PNOC: variants seen among roughly 807,000 people sequenced by gnomAD.
PNOC encodes nociceptin.
In PNOC, 10 loss-of-function variants were observed where a neutral mutation model predicts 15.6. The ratio of observed to expected loss-of-function variants is 0.64; its 90% CI spans 0.40 to 1.09. PNOC has a LOEUF of 1.09. Among genes scored for constraint, PNOC ranks in the 50% least tolerant of loss-of-function variants. The pLI, the probability that PNOC is intolerant of heterozygous loss-of-function variation, is 0.01. For synonymous variants in PNOC, 98 were observed against 88.5 expected (o/e 1.11, Z -0.60); for missense variants, 220 against 223.9 (o/e 0.98, Z 0.11).
chr8:28,317,890 G>C (rs1440859872), intron 1 of PNOC, among the ~76,000 whole-genome samples: 6 of 152,178 alleles, frequency 3.9e-5, no homozygotes, highest in Non-Finnish European at 8.8e-5. Context: ...TAATGGGGAA[G>C]CGCCAGATCT....
intron 3 of PNOC, among the ~76,000 whole-genome samples, chr8:28,341,324 C>G (rs1052989193): frequency 6.6e-6 from 1 of 152,186 alleles, no homozygotes; most frequent in African/African-American, 2.4e-5. Context: ...CCAAAGGCCC[C>G]AAATTAACCT....
chr8:28,335,401 T>C (rs1343671604), intron 2 of PNOC, among the ~76,000 whole-genome samples: 1 of 152,274 alleles, frequency 6.6e-6, no homozygotes, highest in Non-Finnish European at 1.5e-5. Flanking sequence ...ATTATATTCA[T>C]GATTTGCAAA....
intron 1 of PNOC, among the ~76,000 whole-genome samples, chr8:28,324,175 G>A (rs1452955414): frequency 6.6e-6 from 1 of 152,236 alleles, no homozygotes; most frequent in Non-Finnish European, 1.5e-5. Flanking sequence ...TTCACCTGCA[G>A]GAAGACTATC....
At chr8:28,330,747 C>A (rs1801319375) in intron 2 of PNOC, among the ~76,000 whole-genome samples, 1 of 151,866 alleles carries the variant, frequency 6.6e-6, no homozygotes, top group African/African-American at 2.4e-5. Flanking sequence ...CAGTGAACCC[C>A]TTAGTACCAA....
At chr8:28,338,785 A>T in intron 2 of PNOC, 2 of 1,205,308 alleles carry the variant, frequency 1.7e-6, no homozygotes, top group Non-Finnish European at 2.1e-6. Context: ...CTGTGACACC[A>T]GAGGTAAGTT....
chr8:28,339,102 G>A lies in PNOC; in HGVS notation c.189G>A (p.Lys63=). 6.2e-7 allele frequency: 1 copy of A among 1,607,734 alleles called. No individual in the cohort carries two copies. The highest frequency in any genetic ancestry group is 8.5e-7 in the Non-Finnish European group (1 of 1,174,656). Residue 63 remains lysine (K), a synonymous_variant, in exon 3 of 4, where the codon AAG becomes AAA. Coordinates refer to ENST00000301908, the MANE Select transcript of PNOC (RefSeq NM_006228.5). ...FPSPLWTPCT[K]VMARSSWQLS... is the part of the protein sequence containing the mutation. ...GCCCCCTCTGGACTCCATGCACCAA[G>A]GTCATGGCCAGGAGCTCTTGGCAGC...
intron 3 of PNOC, among the ~76,000 whole-genome samples, chr8:28,340,897 A>G (rs1039671963): frequency 1.6e-4 from 24 of 152,278 alleles, no homozygotes; most frequent in African/African-American, 5.3e-4. Flanking sequence ...CATGACCCAA[A>G]CACCACCCAC....
In PNOC at chr8:28,326,338, C is replaced by T. The variant is rs567928927; in HGVS notation, c.-23-2797C>T. 5.9e-5 allele frequency among the ~76,000 whole-genome samples: 9 copies of T among 152,114 alleles called. No homozygotes were observed. The South Asian group carries it at 1.0e-3, about 18-fold the overall frequency. On this transcript the variant is annotated intron_variant, in intron 1 of 3. Transcript: ENST00000301908. ...CTGCACACCAGCCTGGGCAACAGAGCGAGACCATCTCAAACAAACAAAAAG... is the reference window on the plus strand; with the variant it reads ...CTGCACACCAGCCTGGGCAACAGAGTGAGACCATCTCAAACAAACAAAAAG...
intron 1 of PNOC, among the ~76,000 whole-genome samples, chr8:28,326,440 C>A (rs527290252): frequency 1.3e-5 from 2 of 152,266 alleles, no homozygotes; most frequent in South Asian, 4.2e-4. Context: ...GCTTTGATGA[C>A]GCACAAGAAG....
chr8:28,324,967 A>G (rs1801201866), intron 1 of PNOC, among the ~76,000 whole-genome samples: 1 of 152,202 alleles, frequency 6.6e-6, no homozygotes, highest in Non-Finnish European at 1.5e-5. Context: ...TTAATTGCTT[A>G]CAAACGTTAA....
intron 1 of PNOC, among the ~76,000 whole-genome samples, chr8:28,327,741 C>T (rs1413292202): frequency 2.6e-5 from 4 of 152,048 alleles, no homozygotes; most frequent in Non-Finnish European, 5.9e-5. Context: ...GTCTTGAACT[C>T]CTGACCTCTA....
intron 1 of PNOC, 86 bp from the exon 2 acceptor site, chr8:28,329,049 T>C: frequency 7.7e-7 from 1 of 1,304,318 alleles, no homozygotes; most frequent in South Asian, 1.3e-5. Flanking sequence ...GAAGTGTCTT[T>C]CCTGCATTCT....
At chr8:28,330,404 T>TATTTTATTTTATTTTATTTTATTTTA (rs1563328724) in intron 2 of PNOC, among the ~76,000 whole-genome samples, 3 of 133,290 alleles carry the variant, frequency 2.3e-5, no homozygotes, top group African/African-American at 8.2e-5. Flanking sequence ...TTATTTTTTT[T>TATTTTATTTTATTTTATTTTATTTTA]TTTTTTTTGA....
chr8:28,322,952 C>A (rs1012094977), intron 1 of PNOC, among the ~76,000 whole-genome samples: 1 of 152,116 alleles, frequency 6.6e-6, no homozygotes, highest in African/African-American at 2.4e-5. Flanking sequence ...TTTTTGGTAA[C>A]CTGTCAAGAA....
chr8:28,326,721 G>A (rs1203058069), intron 1 of PNOC, among the ~76,000 whole-genome samples: 1 of 152,142 alleles, frequency 6.6e-6, no homozygotes, highest in African/African-American at 2.4e-5. Context: ...TTAGCCAGGT[G>A]TTGTGGCATG....
At chr8:28,327,368 A>G (rs542054050) in intron 1 of PNOC, among the ~76,000 whole-genome samples, 25 of 152,220 alleles carry the variant, frequency 1.6e-4, no homozygotes, top group Non-Finnish European at 2.9e-4. Flanking sequence ...TAATCAACCA[A>G]TCCTTGGAGC....
At chr8:28,318,584 A>G (rs1281113185) in intron 1 of PNOC, among the ~76,000 whole-genome samples, 1 of 152,160 alleles carries the variant, frequency 6.6e-6, no homozygotes, top group African/African-American at 2.4e-5. Context: ...CTCATTTGTA[A>G]AGTGTGGCAG....
intron 2 of PNOC, among the ~76,000 whole-genome samples, chr8:28,331,802 G>T (rs1198578599): frequency 6.6e-6 from 1 of 152,156 alleles, no homozygotes; most frequent in Non-Finnish European, 1.5e-5. Context: ...AGTTGTATCT[G>T]CAGGACTCTC....
intron 1 of PNOC, among the ~76,000 whole-genome samples, chr8:28,321,570 T>C (rs976887275): frequency 6.6e-6 from 1 of 152,042 alleles, no homozygotes; most frequent in East Asian, 1.9e-4. Flanking sequence ...CATCCTTACT[T>C]CCAGGAAAGG....
Sources: allele counts gnomAD v4.1 joint callset (sites outside exome capture counted in the v4.1 genomes callset), GRCh38; gene constraint gnomAD v4.1.1; transcripts MANE v1.5; gene names NCBI Gene and HGNC (gene_info 2026-07-23, HGNC 2026-07-21).